The following ZNRF3 variants were observed in gnomAD, a reference collection of about 807,000 sequenced individuals.
The protein encoded by ZNRF3 is zinc and ring finger 3, also known as E3 ubiquitin-protein ligase ZNRF3.
Under a neutral mutation model 72.5 loss-of-function variants are expected in ZNRF3, and 23 were observed. The observed-to-expected ratio is 0.32, with a 90% CI of 0.23 to 0.45. ZNRF3 has a LOEUF of 0.45. ZNRF3 is among the 20% of genes least tolerant of loss of function. The pLI is 1.00. For synonymous variants in ZNRF3, 610 were observed against 545.3 expected (o/e 1.12, Z -1.65); for missense variants, 1,169 against 1,272.1 (o/e 0.92, Z 1.23).
intron 2 of ZNRF3, among the ~76,000 whole-genome samples, chr22:29,001,002 G>A (rs966216210): frequency 6.7e-6 from 1 of 150,242 alleles, no homozygotes; most frequent in Non-Finnish European, 1.5e-5. Flanking sequence ...TGTTGCCCAG[G>A]TTGGTCACCA....
intron 1 of ZNRF3, among the ~76,000 whole-genome samples, chr22:28,930,860 C>G (rs1050251668): frequency 2.6e-5 from 4 of 152,182 alleles, no homozygotes; most frequent in African/African-American, 9.7e-5. Context: ...GCAGAAACAG[C>G]TTTGGGCTCC....
At position 28,974,699 on chromosome 22, in the gene ZNRF3, G is replaced by T. The variant is rs138619978; in HGVS notation, c.301-12377G>T. Among the ~76,000 whole-genome samples, 714 of 152,018 alleles carry T rather than the reference G, an allele frequency of 4.7e-3. 3 individuals are homozygous for T. Among genetic ancestry groups the T allele is most frequent in the African/African-American group, 0.015 (617 of 41,454 alleles). On this transcript the variant is annotated intron_variant, in intron 1 of 8. Coordinates refer to ENST00000544604, the MANE Select transcript of ZNRF3 (RefSeq NM_001206998.2). ...GTCTCACTCTTGTCCAGGCTGGCGC[G>T]CCATGGCCAGATCCTAGCTCACTGC...
At chr22:28,937,209 ATATATAT>A (rs1166691114) in intron 1 of ZNRF3, among the ~76,000 whole-genome samples, 24 of 2,710 alleles carry the variant, frequency 8.9e-3, no homozygotes, top group African/African-American at 0.012. Flanking sequence ...ATATATATAT[ATATATAT>A]TTTTTTTTTT....
chr22:28,885,731 A>G (rs2033773677), intron 1 of ZNRF3, among the ~76,000 whole-genome samples: 1 of 152,126 alleles, frequency 6.6e-6, no homozygotes, highest in Admixed American at 6.5e-5. Context: ...TGAGCGAGCT[A>G]TCCATTATGA....
chr22:29,015,385 C>T (rs764627872), intron 2 of ZNRF3, among the ~76,000 whole-genome samples: 5 of 152,118 alleles, frequency 3.3e-5, no homozygotes, highest in Non-Finnish European at 5.9e-5. Flanking sequence ...ATTCTTCCTT[C>T]CAGGCTGGGC....
intron 2 of ZNRF3, among the ~76,000 whole-genome samples, chr22:29,016,645 G>A (rs2036442927): frequency 1.3e-5 from 2 of 152,212 alleles, no homozygotes; most frequent in Admixed American, 1.3e-4. Flanking sequence ...ATTTAAGAGT[G>A]ATTACTGATT....
At chr22:29,010,931 A>G (rs2036337152) in intron 2 of ZNRF3, among the ~76,000 whole-genome samples, 1 of 152,168 alleles carries the variant, frequency 6.6e-6, no homozygotes. Context: ...AGCCTCCCAG[A>G]GTGCTGGGAT....
chr22:28,918,530 ATGTGTGCGTGTGTG>A (rs1418293570), intron 1 of ZNRF3, among the ~76,000 whole-genome samples: 3 of 33,070 alleles, frequency 9.1e-5, no homozygotes, highest in Admixed American at 3.7e-4. Flanking sequence ...GTGTATCTGC[ATGTGTGCGTGTGTG>A]TGTGTGTGTG....
At chr22:28,902,938 C>A (rs2034134574) in intron 1 of ZNRF3, among the ~76,000 whole-genome samples, 1 of 152,078 alleles carries the variant, frequency 6.6e-6, no homozygotes, top group Non-Finnish European at 1.5e-5. Flanking sequence ...TAAAGGAATC[C>A]AAAAATGCCA....
In ZNRF3 at chr22:28,883,927, G is replaced by T; in HGVS notation, c.161G>T (p.Arg54Leu). ...LLAAAGPGAA[R>L]AKETAFVEVV... ...GCGGCCGCGGGGCCCGGCGCGGCGC[G>T]GGCCAAGGAGACGGCGTTCGTGGAG... is the stretch of plus-strand genomic sequence containing the variant. The change falls in exon 1 of 9, where the codon CGG (arginine) becomes CTG (leucine). Residue 54 changes from arginine to leucine, a missense_variant. By Grantham distance (102) the Arg-to-Leu change is moderately radical. Transcript: ENST00000544604. The surrounding 1 kb of genome is among the most constrained non-coding windows in gnomAD (Gnocchi z 5.5). 8.2e-7 allele frequency: 1 copy of T among 1,217,732 alleles called. No homozygotes were observed. The allele number at this position is 1,217,732 out of a possible 1,614,324, so 75.4% of individuals were successfully genotyped here. A position where few individuals can be genotyped will look rare whatever the true frequency, so the allele number is the denominator to read the frequency against.
At chr22:29,052,331 C>G (rs2037221276) in intron 8 of ZNRF3, among the ~76,000 whole-genome samples, 1 of 152,140 alleles carries the variant, frequency 6.6e-6, no homozygotes, top group Non-Finnish European at 1.5e-5. Flanking sequence ...CCAGAGTGGC[C>G]TTTTTTGAAA....
At chr22:28,885,677 C>T (rs1222170856) in intron 1 of ZNRF3, among the ~76,000 whole-genome samples, 1 of 150,690 alleles carries the variant, frequency 6.6e-6, no homozygotes, top group African/African-American at 2.4e-5. Context: ...TTTTTATCTG[C>T]AATGTTTTAA....
intron 1 of ZNRF3, among the ~76,000 whole-genome samples, chr22:28,897,580 A>C (rs181845404): frequency 6.6e-6 from 1 of 152,348 alleles, no homozygotes; most frequent in East Asian, 1.9e-4. Flanking sequence ...CTCAACTCCC[A>C]AAGTGCTGGG....
chr22:28,938,952 T>C (rs758467458), intron 1 of ZNRF3, among the ~76,000 whole-genome samples: 2 of 152,198 alleles, frequency 1.3e-5, no homozygotes, highest in Non-Finnish European at 1.5e-5. Context: ...TGTGTGACTC[T>C]AGATAAGGCA....
intron 1 of ZNRF3, among the ~76,000 whole-genome samples, chr22:28,891,287 C>G (rs562665434): frequency 6.6e-6 from 1 of 152,306 alleles, no homozygotes; most frequent in East Asian, 1.9e-4. Flanking sequence ...TCTGTTACCC[C>G]CGGCTGTAGC....
rs529998286 is a variant in ZNRF3, at chr22:29,024,337, A to T, written c.427-18158A>T. On this transcript the variant is annotated intron_variant, in intron 2 of 8. Transcript: ENST00000544604. The stretch of plus-strand genomic sequence containing the variant: ...GCACTGTTAAAGGCTGTCAAACTAT[A>T]CTTTAATCTGCCTTCCTGAAACAAT... Among the ~76,000 whole-genome samples, 4 of 144,512 alleles carry T rather than the reference A, an allele frequency of 2.8e-5. No individual in the cohort carries two copies. In the South Asian group the frequency reaches 8.6e-4, roughly 31 times the overall value. The allele number at this position is 144,512 out of a possible 152,430, so 94.8% of individuals were successfully genotyped here. A position where few individuals can be genotyped will look rare whatever the true frequency, so the allele number is the denominator to read the frequency against.
intron 2 of ZNRF3, among the ~76,000 whole-genome samples, chr22:29,021,608 C>T (rs549868335): frequency 1.1e-4 from 16 of 152,076 alleles, no homozygotes; most frequent in Middle Eastern, 6.8e-3. Flanking sequence ...CTACCTCAGC[C>T]TCCCAAGTAG....
chr22:28,888,680 C>CA (rs2033832481), intron 1 of ZNRF3, among the ~76,000 whole-genome samples: 1 of 152,164 alleles, frequency 6.6e-6, no homozygotes, highest in Non-Finnish European at 1.5e-5. Context: ...CCAAGCATGT[C>CA]ATGTTTTGGT....
rs117489182 is a variant in ZNRF3 at position 28,996,705 on chromosome 22, A to G, written c.426+9504A>G. Reference sequence around the variant, plus strand: ...AGTGTTAGTAATTTGAGTAAAACCAATGGGTTGCAGTTTTCCACATTTAAT... The same window carrying G: ...AGTGTTAGTAATTTGAGTAAAACCAGTGGGTTGCAGTTTTCCACATTTAAT... On this transcript the variant is annotated intron_variant, in intron 2 of 8. Coordinates refer to ENST00000544604, the MANE Select transcript of ZNRF3 (RefSeq NM_001206998.2). Among the ~76,000 whole-genome samples the G allele has an allele frequency of 5.1e-3, 781 of 152,360 alleles. 4 individuals carry two copies. The highest frequency in any genetic ancestry group is 6.3e-3 in the Non-Finnish European group (426 of 68,040).
Sources: allele counts gnomAD v4.1 joint callset (sites outside exome capture counted in the v4.1 genomes callset), GRCh38; gene constraint gnomAD v4.1.1; non-coding constraint Gnocchi (gnomAD v3.1); transcripts MANE v1.5; gene names NCBI Gene and HGNC (gene_info 2026-07-23, HGNC 2026-07-21).